Variants in SPAG16 observed in about 807,000 individuals in gnomAD.
SPAG16 encodes the protein sperm-associated antigen 16 protein.
In SPAG16, 86 loss-of-function variants were observed where a neutral mutation model predicts 80.4. That is an observed-to-expected ratio of 1.07 (90% confidence interval 0.90 to 1.28). The LOEUF (loss-of-function observed/expected upper bound fraction) is 1.28. Among genes scored for constraint, SPAG16 ranks in the 50% most tolerant of loss-of-function variants. The probability of loss-of-function intolerance (pLI) is 0.00; values close to 1 mark genes in which losing one functional copy is unlikely to be tolerated. For missense variants in SPAG16, 870 were observed against 765.3 expected, an observed-to-expected ratio of 1.14 and a Z score of -1.61; for synonymous variants, 294 against 265.9, an observed-to-expected ratio of 1.11 and a Z score of -1.03.
intron 12 of SPAG16, among the ~76,000 whole-genome samples, chr2:213,930,937 G>T (rs762252921): frequency 3.9e-5 from 6 of 152,258 alleles, no homozygotes; most frequent in Non-Finnish European, 7.4e-5. Flanking sequence ...ACCCATAACA[G>T]CAGAGAAGTG....
chr2:213,753,835 G>A (rs2068197108), intron 10 of SPAG16, among the ~76,000 whole-genome samples: 1 of 152,126 alleles, frequency 6.6e-6, no homozygotes, highest in Non-Finnish European at 1.5e-5. Context: ...GACATGTGTG[G>A]TCTTAGGAAA....
chr2:213,810,396 T>G (rs1446446016), intron 10 of SPAG16, among the ~76,000 whole-genome samples: 1 of 152,092 alleles, frequency 6.6e-6, no homozygotes, highest in Non-Finnish European at 1.5e-5. Flanking sequence ...TTATTGAAAA[T>G]TCAAATGATT....
At chr2:213,851,473 A>C (rs1214940962) in intron 10 of SPAG16, among the ~76,000 whole-genome samples, 1 of 152,180 alleles carries the variant, frequency 6.6e-6, no homozygotes, top group Non-Finnish European at 1.5e-5. Flanking sequence ...GCGCCACTGC[A>C]CTCCAGCCTG....
chr2:213,825,761 G>C (rs796318622), intron 10 of SPAG16, among the ~76,000 whole-genome samples: 33 of 139,254 alleles, frequency 2.4e-4, no homozygotes, highest in African/African-American at 8.7e-4. Context: ...ATGGTTAACA[G>C]TGGACTCATA....
At chr2:213,757,314 A>C (rs1489980084) in intron 10 of SPAG16, among the ~76,000 whole-genome samples, 1 of 152,100 alleles carries the variant, frequency 6.6e-6, no homozygotes, top group East Asian at 1.9e-4. Flanking sequence ...CATCCATATC[A>C]AAATACCCAT....
intron 10 of SPAG16, among the ~76,000 whole-genome samples, chr2:213,515,141 A>C (rs181926338): frequency 6.6e-6 from 1 of 151,790 alleles, no homozygotes; most frequent in Admixed American, 6.6e-5. Flanking sequence ...TAAATATTCA[A>C]ACTATTAGAT....
intron 10 of SPAG16, among the ~76,000 whole-genome samples, chr2:213,636,081 G>A (rs1415884777): frequency 1.3e-5 from 2 of 152,018 alleles, no homozygotes; most frequent in Non-Finnish European, 2.9e-5. Flanking sequence ...TATGGTTTCT[G>A]GTCTTATATT....
intron 14 of SPAG16, among the ~76,000 whole-genome samples, chr2:214,129,964 AAAG>A (rs780317359): frequency 8.5e-5 from 13 of 152,172 alleles, no homozygotes; most frequent in Non-Finnish European, 1.8e-4. Context: ...GTAGAGGAGA[AAAG>A]AAGAGCTTTA....
intron 10 of SPAG16, among the ~76,000 whole-genome samples, chr2:213,572,770 T>C (rs2059963187): frequency 6.6e-6 from 1 of 152,102 alleles, no homozygotes; most frequent in African/African-American, 2.4e-5. Context: ...CTCTACCCAG[T>C]TCGAGCTTCC....
intron 5 of SPAG16, among the ~76,000 whole-genome samples, chr2:213,330,554 G>C (rs2064050319): frequency 6.6e-6 from 1 of 152,222 alleles, no homozygotes; most frequent in Non-Finnish European, 1.5e-5. Context: ...TTGTATCTAG[G>C]AAGTAACTAA....
chr2:213,453,440 C>T (rs1054755027), intron 9 of SPAG16, among the ~76,000 whole-genome samples: 2 of 152,146 alleles, frequency 1.3e-5, no homozygotes, highest in South Asian at 2.1e-4. Context: ...ATGTTCAGCA[C>T]TTGTCTTGGA....
chr2:213,727,294 T>C (rs7585231), intron 10 of SPAG16, among the ~76,000 whole-genome samples: 141,367 of 152,140 alleles, frequency 0.93, 66,592 homozygotes, highest in East Asian at 1. Flanking sequence ...TTCCTGGAGA[T>C]TAATTCTGCA....
intron 11 of SPAG16, among the ~76,000 whole-genome samples, chr2:213,902,570 G>T (rs2077263026): frequency 6.6e-6 from 1 of 152,138 alleles, no homozygotes; most frequent in Admixed American, 6.5e-5. Context: ...CTCCCACCAG[G>T]TCTCTCCTAG....
chr2:213,399,813 A>G (rs1361634785), intron 9 of SPAG16, among the ~76,000 whole-genome samples: 1 of 151,996 alleles, frequency 6.6e-6, no homozygotes, highest in African/African-American at 2.4e-5. Context: ...GTGGATTCAG[A>G]TTTCTTTGTA....
At chr2:213,644,402 T>C (rs2062741801) in intron 10 of SPAG16, among the ~76,000 whole-genome samples, 1 of 152,166 alleles carries the variant, frequency 6.6e-6, no homozygotes, top group Admixed American at 6.5e-5. Context: ...GTGTTGATGC[T>C]AGTAGACATT....
At chr2:214,340,623 C>G (rs891043899) in intron 15 of SPAG16, among the ~76,000 whole-genome samples, 2 of 152,142 alleles carry the variant, frequency 1.3e-5, no homozygotes, top group African/African-American at 4.8e-5. Flanking sequence ...TTGCTTGGTT[C>G]TTCCTCTTAC....
intron 13 of SPAG16, among the ~76,000 whole-genome samples, chr2:214,016,062 G>A (rs2047576888): frequency 1.3e-5 from 2 of 152,002 alleles, no homozygotes; most frequent in African/African-American, 4.8e-5. Context: ...AGGAATGAGG[G>A]TTTTCCTGAG....
chr2:213,322,990 T>C (rs1002792505), intron 5 of SPAG16, among the ~76,000 whole-genome samples: 2 of 152,042 alleles, frequency 1.3e-5, no homozygotes, highest in Admixed American at 6.6e-5. Flanking sequence ...ACTTGCTTTT[T>C]CCCCCAGGTG....
At chr2:213,581,564 A>G (rs1334395648) in intron 10 of SPAG16, among the ~76,000 whole-genome samples, 2 of 152,036 alleles carry the variant, frequency 1.3e-5, no homozygotes, top group South Asian at 2.1e-4. Context: ...CTTGATAGCC[A>G]TGAATTGTTG....
Sources: gnomAD v4.1 joint callset for allele counts (sites outside exome capture counted in the v4.1 genomes callset) on GRCh38, gnomAD v4.1.1 for gene constraint, MANE v1.5 for transcripts, NCBI Gene and HGNC (gene_info 2026-07-23, HGNC 2026-07-21) for gene names.